ZNF445: variants seen among roughly 807,000 people sequenced by gnomAD.
ZNF445 encodes the protein zinc finger protein 168.
ZNF445 carries 19 observed loss-of-function variants against 93.9 expected under a neutral mutation model. That is an observed-to-expected ratio of 0.20 (90% confidence interval 0.14 to 0.30). ZNF445 has a LOEUF of 0.30. Ranked by LOEUF, ZNF445 falls within the 10% of genes least tolerant of loss-of-function variation. The pLI is 1.00. For synonymous variants in ZNF445, 449 were observed against 446.3 expected (o/e 1.01, Z -0.08); for missense variants, 1,058 against 1,259.4 (o/e 0.84, Z 2.42).
chr3:44,475,260 G>A lies in ZNF445; in HGVS notation c.-269+2331C>T, dbSNP rs556510661. Among the ~76,000 whole-genome samples the A allele has an allele frequency of 2.4e-4, 36 of 152,128 alleles. 1 individual carries two copies. The Middle Eastern group carries it at 0.024, about 101-fold the overall frequency. On this transcript the variant is annotated intron_variant, in intron 1 of 7. Transcript: ENST00000396077. ...GTTGCCCAGGCTGGAGTACGATGGC[G>A]TGACCTCCACTCACTGCAACCTCCG...
rs1013500390 is a variant in ZNF445, at chr3:44,435,720, T to G, written c.*10855A>C. ...GTGTGGGATTCTGCCCATTGTTGAC[T>G]ATGTCTATTCTAATTACGCATTCTA... On this transcript the variant is annotated 3_prime_UTR_variant, in exon 8 of 8. Transcript: ENST00000396077. 6.6e-6 allele frequency: 1 copy of G among 152,226 alleles called. No individual in the cohort carries two copies. Among genetic ancestry groups the G allele is most frequent in the African/African-American group, 2.4e-5 (1 of 41,466 alleles). The allele number at this position is 152,226 out of a possible 1,614,324, so 9.4% of individuals were successfully genotyped here. A position where few individuals can be genotyped will look rare whatever the true frequency, so the allele number is the denominator to read the frequency against.
intron 1 of ZNF445, 73 bp downstream of exon 1, chr3:44,477,518 T>A (rs905043410): frequency 1.3e-5 from 2 of 152,100 alleles, no homozygotes; most frequent in African/African-American, 2.4e-5. Flanking sequence ...GGCCCGAGAA[T>A]GCCGCGGACT....
chr3:44,461,728 G>A (rs1357965504), intron 1 of ZNF445, among the ~76,000 whole-genome samples: 2 of 152,222 alleles, frequency 1.3e-5, no homozygotes, highest in Non-Finnish European at 2.9e-5. Flanking sequence ...GGTGACTAAT[G>A]TTTGTTTTGT....
intron 1 of ZNF445, among the ~76,000 whole-genome samples, chr3:44,466,174 T>C (rs1698191711): frequency 6.6e-6 from 1 of 152,206 alleles, no homozygotes; most frequent in African/African-American, 2.4e-5. Flanking sequence ...TAAAGGTTTT[T>C]CTTTTTTAAA....
intron 7 of ZNF445, 104 bp downstream of exon 7, chr3:44,449,409 C>T: frequency 1.0e-6 from 1 of 982,906 alleles, no homozygotes; most frequent in Non-Finnish European, 1.6e-6. Context: ...AAAGATCTTC[C>T]TTCCAGCAAA....
rs1375432422 is a variant in ZNF445 at position 44,440,034 on chromosome 3, CAAACGTCAAACATGGGG to C, written c.*6524_*6540del. On this transcript the variant is annotated 3_prime_UTR_variant, in exon 8 of 8. Transcript: ENST00000396077. The stretch of plus-strand genomic sequence containing the variant: ...GGAGAGCTTGAATGCTATTAGCAGA[CAAACGTCAAACATGGGG>C]AGACTCTATTCTAGCTCCCCCAGTC... The C allele has an allele frequency of 2.0e-5, 3 of 152,234 alleles. No individual in the cohort carries two copies. The highest frequency in any genetic ancestry group is 7.2e-5 in the African/African-American group (3 of 41,456). 9.4% of individuals were successfully genotyped at this position (152,234 alleles called of 1,614,324 possible).
intron 1 of ZNF445, among the ~76,000 whole-genome samples, chr3:44,462,099 T>C (rs578203803): frequency 6.6e-6 from 1 of 152,270 alleles, no homozygotes; most frequent in East Asian, 1.9e-4. Context: ...GTAGCAAACC[T>C]GGTGTACTTT....
At chr3:44,476,855 ATG>A (rs935493902) in intron 1 of ZNF445, among the ~76,000 whole-genome samples, 10 of 152,160 alleles carry the variant, frequency 6.6e-5, no homozygotes, top group African/African-American at 2.2e-4. Flanking sequence ...CTTCATGCAA[ATG>A]TGTCTCCTAC....
chr3:44,449,514 T>C lies in ZNF445; in HGVS notation c.930A>G (p.Thr310=), dbSNP rs754878219. The change falls in exon 7 of 8, where the codon ACA becomes ACG. Residue 310 remains threonine (T), a splice_region_variant and synonymous_variant. Transcript: ENST00000396077. ...CCTGGCAGGTTCTCTGGAACTCACC[T>C]GTAGGAGCAGCAACTGGATTCCCCT... is the stretch of plus-strand genomic sequence containing the variant. ...QPKGNPVAAP[T]GDDLQSKTNK... 1 of 1,613,824 alleles carries C rather than the reference T, an allele frequency of 6.2e-7. No individual in the cohort carries two copies. Among genetic ancestry groups the C allele is most frequent in the South Asian group, 1.1e-5 (1 of 91,086 alleles).
intron 6 of ZNF445, 31 bp downstream of exon 6, chr3:44,450,416 G>T (rs1454172606): frequency 1.2e-6 from 2 of 1,613,854 alleles, no homozygotes; most frequent in Non-Finnish European, 1.7e-6. Context: ...AAATAAAGAT[G>T]GATAGAAGCA....
chr3:44,473,341 C>A (rs946407008), intron 1 of ZNF445, among the ~76,000 whole-genome samples: 2 of 151,784 alleles, frequency 1.3e-5, no homozygotes, highest in Admixed American at 1.3e-4. Context: ...GTAATCCCAG[C>A]TACTCGGGAG....
At chr3:44,469,312 G>A (rs1698234873) in intron 1 of ZNF445, among the ~76,000 whole-genome samples, 1 of 152,190 alleles carries the variant, frequency 6.6e-6, no homozygotes, top group Non-Finnish European at 1.5e-5. Context: ...CTTGCAATGT[G>A]TTGGTCCCTC....
At position 44,441,625 on chromosome 3, in the gene ZNF445, A is replaced by G. The variant is rs1697812376; in HGVS notation, c.*4950T>C. ...ACCTGGCAGGGATTTCTATAAAGTC[A>G]TAAGATGTCAGAGACTATGCTTAAG... On this transcript the variant is annotated 3_prime_UTR_variant, in exon 8 of 8. Transcript: ENST00000396077. The G allele has an allele frequency of 1.3e-5, 2 of 152,222 alleles. No homozygotes were observed. The highest frequency in any genetic ancestry group is 2.9e-5 in the Non-Finnish European group (2 of 68,034). 9.4% of individuals were successfully genotyped at this position (152,222 alleles called of 1,614,324 possible). A position where few individuals can be genotyped will look rare whatever the true frequency, so the allele number is the denominator to read the frequency against.
intron 1 of ZNF445, among the ~76,000 whole-genome samples, chr3:44,462,185 A>C (rs1698124303): frequency 6.6e-6 from 1 of 152,206 alleles, no homozygotes; most frequent in Non-Finnish European, 1.5e-5. Context: ...GACCCCTATA[A>C]GTCCACTTTT....
At chr3:44,476,369 CT>C (rs35308661) in intron 1 of ZNF445, among the ~76,000 whole-genome samples, 42,291 of 148,264 alleles carry the variant, frequency 0.29, 6,415 homozygotes, top group Non-Finnish European at 0.33. Flanking sequence ...TACAGTAAGA[CT>C]TTTTTTTTTT....
intron 1 of ZNF445, among the ~76,000 whole-genome samples, chr3:44,474,148 A>G (rs560347203): frequency 2.6e-4 from 40 of 152,310 alleles, no homozygotes; most frequent in African/African-American, 9.4e-4. Context: ...TGACTAGGAG[A>G]AAGACAGTAA....
Position 44,455,128 on chromosome 3 carries a change from G to A in ZNF445, c.422C>T (p.Ser141Phe), listed in dbSNP as rs769954069. The A allele has an allele frequency of 5.6e-6, 9 of 1,614,056 alleles. No homozygotes were observed. In the South Asian group the frequency reaches 8.8e-5, roughly 16 times the overall value. ...EELQRDLDGTSWRDPGPAQSP... is the reference protein window; with the variant it reads ...EELQRDLDGTFWRDPGPAQSP... Reference sequence around the variant, plus strand: ...ACACTTGCTCACACTCACCCTCCAGGATGTCCCATCAAGGTCCCTCTGCAG... The same window carrying A: ...ACACTTGCTCACACTCACCCTCCAGAATGTCCCATCAAGGTCCCTCTGCAG... Residue 141 changes from serine to phenylalanine, a missense_variant, in exon 3 of 8, where the codon TCC (serine) becomes TTC (phenylalanine). Transcript: ENST00000396077.
rs1479642101 is a variant in ZNF445, at chr3:44,446,362, C to T, written c.*213G>A. 7.7e-6 allele frequency: 5 copies of T among 649,996 alleles called. No individual in the cohort carries two copies. The highest frequency in any genetic ancestry group is 3.7e-5 in the African/African-American group (2 of 54,730). The allele number at this position is 649,996 out of a possible 1,614,324, so 40.3% of individuals were successfully genotyped here. A position where few individuals can be genotyped will look rare whatever the true frequency, so the allele number is the denominator to read the frequency against. ...CTAGGGGCCGGAGTCTCCAGAAGGG[C>T]TCCAAAGGACATGGTGCTGCACTTC... is the stretch of plus-strand genomic sequence containing the variant. On this transcript the variant is annotated 3_prime_UTR_variant, in exon 8 of 8. Transcript: ENST00000396077. This position sits in a 1 kb window ranked among gnomAD's most constrained non-coding sequence, Gnocchi z 4.2.
At position 44,446,748 on chromosome 3, in the gene ZNF445, T is replaced by C; in HGVS notation, c.2923A>G (p.Lys975Glu). Residue 975 changes from lysine to glutamate, a missense_variant, in exon 8 of 8, where the codon AAA becomes GAA. Lys to Glu is a moderately conservative substitution (Grantham distance 56, BLOSUM62 1). Around this residue, in one of 3 missense-constraint regions of ZNF445, gnomAD observed 387 missense variants for 475.7 expected, o/e 0.81. Coordinates refer to ENST00000396077, the MANE Select transcript of ZNF445 (RefSeq NM_181489.6). This position sits in a 1 kb window ranked among gnomAD's most constrained non-coding sequence, Gnocchi z 4.2. ...LTGLQDISIG[K>E]KCHKCSICGK... ...CATATGCTGCATTTGTGGCACTTTT[T>C]CCCAATGCTTATGTCCTGGAGTCCA... 2 of 1,614,234 alleles carry C rather than the reference T, an allele frequency of 1.2e-6. No homozygotes were observed. The highest frequency in any genetic ancestry group is 1.7e-6 in the Non-Finnish European group (2 of 1,180,042).
Sources: gnomAD v4.1 joint callset for allele counts (sites outside exome capture counted in the v4.1 genomes callset) on GRCh38, gnomAD v4.1.1 for gene constraint, gnomAD v4.1.1 regional missense constraint, Gnocchi (gnomAD v3.1) non-coding constraint, MANE v1.5 for transcripts, NCBI Gene and HGNC (gene_info 2026-07-23, HGNC 2026-07-21) for gene names.